The following SOX5 variants were observed in gnomAD, a reference collection of about 807,000 sequenced individuals.
The protein encoded by SOX5 is transcription factor SOX-5.
A neutral mutation model predicts 92.0 loss-of-function variants in SOX5; 9 were observed. That is an observed-to-expected ratio of 0.10 (90% confidence interval 0.06 to 0.17). The LOEUF is 0.17. Among genes scored for constraint, SOX5 ranks in the 10% least tolerant of loss-of-function variants. SOX5 has a pLI of 1.00. For synonymous variants in SOX5, 344 were observed against 336.3 expected (o/e 1.02, Z -0.25); for missense variants, 642 against 944.5 (o/e 0.68, Z 4.20).
intron 2 of SOX5, among the ~76,000 whole-genome samples, chr12:24,301,290 T>A (rs1947915840): frequency 6.6e-6 from 1 of 152,212 alleles, no homozygotes; most frequent in South Asian, 2.1e-4. Context: ...GACAGCCGTC[T>A]CAAAAAGTTG....
chr12:24,469,589 C>A (rs1399092288), intron 1 of SOX5, among the ~76,000 whole-genome samples: 1 of 152,062 alleles, frequency 6.6e-6, no homozygotes, highest in Non-Finnish European at 1.5e-5. Context: ...TCTATGACGC[C>A]CCAGGCTAGC....
intron 2 of SOX5, among the ~76,000 whole-genome samples, chr12:23,860,952 T>TAA (rs71059935): frequency 8.7e-4 from 40 of 45,922 alleles, no homozygotes; most frequent in African/African-American, 2.2e-3. Flanking sequence ...GTATATTTTG[T>TAA]AAAAAAAAAA....
chr12:23,585,844 C>T (rs1293382519), intron 9 of SOX5, among the ~76,000 whole-genome samples: 1 of 152,154 alleles, frequency 6.6e-6, no homozygotes, highest in African/African-American at 2.4e-5. Flanking sequence ...GATATCTCCT[C>T]TCTTCTCTTT....
At chr12:24,520,948 T>C (rs1352318537) in intron 1 of SOX5, among the ~76,000 whole-genome samples, 2 of 152,184 alleles carry the variant, frequency 1.3e-5, no homozygotes, top group African/African-American at 2.4e-5. Flanking sequence ...AACAGGAAGA[T>C]ATAACAATTA....
At chr12:23,779,318 C>T (rs1366352277) in intron 3 of SOX5, among the ~76,000 whole-genome samples, 1 of 150,434 alleles carries the variant, frequency 6.6e-6, no homozygotes, top group Non-Finnish European at 1.5e-5. Flanking sequence ...CATCTGAACC[C>T]AGTAAAATCA....
At chr12:24,546,961 T>A (rs796323561) in intron 1 of SOX5, among the ~76,000 whole-genome samples, 1 of 152,134 alleles carries the variant, frequency 6.6e-6, no homozygotes, top group African/African-American at 2.4e-5. Context: ...AAATAAGTTG[T>A]ATTTAAAAAG....
intron 11 of SOX5, among the ~76,000 whole-genome samples, chr12:23,559,195 A>C (rs1345380138): frequency 3.3e-5 from 5 of 152,202 alleles, no homozygotes; most frequent in African/African-American, 1.2e-4. Flanking sequence ...GACTCTATGA[A>C]CAAAGTTGTG....
Position 24,312,849 on chromosome 12 carries a change from A to G in SOX5, c.-173-35537T>C, listed in dbSNP as rs531484468. 3.3e-5 allele frequency among the ~76,000 whole-genome samples: 5 copies of G among 152,330 alleles called. No homozygotes were observed. In the East Asian group the frequency reaches 9.6e-4, roughly 29 times the overall value. On this transcript the variant is annotated intron_variant, in intron 2 of 4. Coordinates refer to the SOX5 transcript ENST00000446891. ...AAGACCTGCAACCTTCTTAAAGGTC[A>G]CTGCTTGCACGCTTATTGTATTCCA... is the stretch of plus-strand genomic sequence containing the variant.
chr12:23,701,493 C>T (rs1172969293), intron 6 of SOX5, among the ~76,000 whole-genome samples: 3 of 151,996 alleles, frequency 2.0e-5, no homozygotes, highest in Non-Finnish European at 1.5e-5. Context: ...ATATCAAAAA[C>T]TTTAACACAT....
intron 2 of SOX5, among the ~76,000 whole-genome samples, chr12:24,303,912 T>C (rs920875639): frequency 6.6e-6 from 1 of 152,242 alleles, no homozygotes; most frequent in African/African-American, 2.4e-5. Flanking sequence ...TTCTTTTTTT[T>C]TGAAAATTGG....
At chr12:24,354,160 T>C (rs1954493273) in intron 2 of SOX5, among the ~76,000 whole-genome samples, 1 of 152,220 alleles carries the variant, frequency 6.6e-6, no homozygotes, top group Admixed American at 6.5e-5. Context: ...ATACACCAGG[T>C]AGACCCAATC....
At chr12:23,618,918 A>T (rs1392539380) in intron 8 of SOX5, among the ~76,000 whole-genome samples, 5 of 152,164 alleles carry the variant, frequency 3.3e-5, no homozygotes, top group Admixed American at 6.6e-5. Context: ...CTGAGTCAAA[A>T]ATAATAGTTT....
intron 2 of SOX5, among the ~76,000 whole-genome samples, chr12:24,324,369 A>C (rs77411793): frequency 1.3e-5 from 2 of 152,068 alleles, no homozygotes; most frequent in African/African-American, 4.8e-5. Flanking sequence ...AAGACAAGCT[A>C]TCTTCTGTCT....
intron 4 of SOX5, among the ~76,000 whole-genome samples, chr12:24,151,947 A>T (rs1226924655): frequency 6.6e-6 from 1 of 152,130 alleles, no homozygotes; most frequent in African/African-American, 2.4e-5. Context: ...AATATGTTTG[A>T]TAGTCTCCCT....
chr12:23,608,190 A>G (rs2075512336), intron 8 of SOX5, among the ~76,000 whole-genome samples: 1 of 150,664 alleles, frequency 6.6e-6, no homozygotes, highest in African/African-American at 2.4e-5. Context: ...CCAGACTCAC[A>G]GTATCTTAGC....
At chr12:23,999,017 G>A (rs1400532601) in intron 4 of SOX5, among the ~76,000 whole-genome samples, 1 of 151,760 alleles carries the variant, frequency 6.6e-6, no homozygotes, top group Non-Finnish European at 1.5e-5. Flanking sequence ...AGCACCAAGA[G>A]GAAAATAACT....
At chr12:23,776,081 A>G (rs2095089899) in intron 3 of SOX5, among the ~76,000 whole-genome samples, 1 of 152,226 alleles carries the variant, frequency 6.6e-6, no homozygotes, top group Non-Finnish European at 1.5e-5. Flanking sequence ...AGTAATGCTA[A>G]TAAATATAAT....
At chr12:24,236,948 C>A (rs1004167632) in intron 3 of SOX5, among the ~76,000 whole-genome samples, 2 of 152,004 alleles carry the variant, frequency 1.3e-5, no homozygotes, top group Non-Finnish European at 2.9e-5. Flanking sequence ...CTCAGTGAAT[C>A]CTCTAGAAGC....
chr12:24,028,532 A>G (rs900517990), intron 4 of SOX5, among the ~76,000 whole-genome samples: 2 of 152,014 alleles, frequency 1.3e-5, no homozygotes, highest in African/African-American at 4.8e-5. Context: ...GCATGCTACT[A>G]GGCTGGTATG....
Sources: allele counts gnomAD v4.1 joint callset (sites outside exome capture counted in the v4.1 genomes callset), GRCh38; gene constraint gnomAD v4.1.1; transcripts MANE v1.5; gene names NCBI Gene and HGNC (gene_info 2026-07-23, HGNC 2026-07-21).